RANBP17: variants seen among roughly 807,000 people sequenced by gnomAD.
RANBP17 encodes RAN binding protein 17, also known as ran-binding protein 17.
A neutral mutation model predicts 141.2 loss-of-function variants in RANBP17; 158 were observed. That is an observed-to-expected ratio of 1.12 (90% CI 0.98 to 1.28). The LOEUF is 1.28. RANBP17 is among the 50% of genes most tolerant of loss of function. The pLI, the probability that RANBP17 is intolerant of heterozygous loss-of-function variation, is 0.00. For missense variants in RANBP17, 1,438 were observed against 1,290.7 expected (o/e 1.11, Z -1.75); for synonymous variants, 430 against 450.0 (o/e 0.96, Z 0.56).
chr5:170,963,322 A>G (rs895560240), intron 13 of RANBP17, among the ~76,000 whole-genome samples: 4 of 152,226 alleles, frequency 2.6e-5, no homozygotes, highest in East Asian at 3.8e-4. Flanking sequence ...TATAATCAAG[A>G]TGAATCTCAG....
At chr5:170,950,254 A>G (rs1775099042) in intron 12 of RANBP17, among the ~76,000 whole-genome samples, 1 of 152,160 alleles carries the variant, frequency 6.6e-6, no homozygotes, top group African/African-American at 2.4e-5. Context: ...ATATTAAGCT[A>G]AAAAGCCCCT....
intron 14 of RANBP17, among the ~76,000 whole-genome samples, chr5:171,051,461 A>T (rs920103244): frequency 3.9e-5 from 6 of 152,142 alleles, no homozygotes; most frequent in Non-Finnish European, 8.8e-5. Context: ...CCAATTCTGT[A>T]TATTTTATAT....
At chr5:171,158,268 T>C (rs904818663) in intron 14 of RANBP17, 6 of 177,384 alleles carry the variant, frequency 3.4e-5, no homozygotes, top group African/African-American at 1.4e-4. Flanking sequence ...ATAATGTTTC[T>C]TTTGAAGGAG....
At chr5:171,132,166 G>A (rs1756965096) in intron 14 of RANBP17, among the ~76,000 whole-genome samples, 1 of 151,962 alleles carries the variant, frequency 6.6e-6, no homozygotes, top group Non-Finnish European at 1.5e-5. Context: ...TTTTATAAAG[G>A]GAAAGACACT....
intron 27 of RANBP17, among the ~76,000 whole-genome samples, chr5:171,296,342 G>A (rs1768818303): frequency 6.6e-6 from 1 of 152,182 alleles, no homozygotes; most frequent in South Asian, 2.1e-4. Context: ...TATGGAAAAT[G>A]AAGAAAGACT....
Position 170,862,070 on chromosome 5 carries a change from G to T in RANBP17, c.18+19G>T, listed in dbSNP as rs969271569. ...CTTCCAGGTCAGTGTGCTCTGCGCC[G>T]CGGGCCCGCGCTCCGCCACGCTGGG... On this transcript the variant is annotated intron_variant, in intron 1 of 27. Transcript: ENST00000523189. 207 of 1,446,510 alleles carry T rather than the reference G, an allele frequency of 1.4e-4. No homozygotes were observed. Among genetic ancestry groups the T allele is most frequent in the Non-Finnish European group, 1.7e-4 (191 of 1,105,890 alleles). 89.6% of individuals were successfully genotyped at this position (1,446,510 alleles called of 1,614,324 possible).
chr5:171,040,960 T>C (rs188128637), intron 14 of RANBP17, among the ~76,000 whole-genome samples: 1 of 152,076 alleles, frequency 6.6e-6, no homozygotes, highest in African/African-American at 2.4e-5. Context: ...TTTTATGAGG[T>C]TTCAGTCGAA....
intron 14 of RANBP17, among the ~76,000 whole-genome samples, chr5:171,006,523 A>C (rs962009493): frequency 2.6e-5 from 4 of 152,066 alleles, no homozygotes; most frequent in African/African-American, 9.7e-5. Context: ...CCACGTTCTC[A>C]CTCATAGGTG....
At chr5:171,042,641 T>A (rs1023292564) in intron 14 of RANBP17, among the ~76,000 whole-genome samples, 1 of 152,198 alleles carries the variant, frequency 6.6e-6, no homozygotes, top group African/African-American at 2.4e-5. Context: ...ATTTGAATCA[T>A]CTTTGGATTA....
intron 14 of RANBP17, among the ~76,000 whole-genome samples, chr5:171,005,871 C>G (rs1247504735): frequency 1.3e-5 from 2 of 152,128 alleles, no homozygotes; most frequent in African/African-American, 2.4e-5. Context: ...TATCCAGAAT[C>G]TACAATGAAC....
At chr5:170,940,525 T>A (rs1160110341) in intron 12 of RANBP17, among the ~76,000 whole-genome samples, 1 of 152,172 alleles carries the variant, frequency 6.6e-6, no homozygotes, top group Non-Finnish European at 1.5e-5. Context: ...CCCAAGTATT[T>A]CAGATCAGGG....
At chr5:170,923,917 A>G (rs1191959320) in intron 11 of RANBP17, among the ~76,000 whole-genome samples, 3 of 152,052 alleles carry the variant, frequency 2.0e-5, no homozygotes, top group Non-Finnish European at 2.9e-5. Context: ...TTCTGTTTAC[A>G]TAATCATGCC....
chr5:171,158,153 G>A (rs1260796823), intron 14 of RANBP17, among the ~76,000 whole-genome samples: 3 of 152,134 alleles, frequency 2.0e-5, no homozygotes, highest in African/African-American at 7.2e-5. Flanking sequence ...CTGCTGCCTT[G>A]GGACAAATGT....
At position 170,963,419 on chromosome 5, in the gene RANBP17, G is replaced by GA. The variant is rs1447483265; in HGVS notation, c.1575-4817dup. Among the ~76,000 whole-genome samples, 5 of 152,198 alleles carry GA rather than the reference G, an allele frequency of 3.3e-5. No individual in the cohort carries two copies. The South Asian group carries it at 8.3e-4, about 25-fold the overall frequency. On this transcript the variant is annotated intron_variant, in intron 13 of 27. Coordinates refer to ENST00000523189, the MANE Select transcript of RANBP17 (RefSeq NM_022897.5). ...TTGCTATTATGCAAAATCCATGAAA[G>GA]AAAAAATTGAACAAATTTTCTGCAT...
chr5:171,113,360 A>T (rs1486538713), intron 14 of RANBP17, among the ~76,000 whole-genome samples: 1 of 152,182 alleles, frequency 6.6e-6, no homozygotes, highest in African/African-American at 2.4e-5. Context: ...GTGTGTGAAC[A>T]GCCATTCATC....
rs1754882687 is a variant in RANBP17 at position 171,106,941 on chromosome 5, C to T, written c.1711-63189C>T. Among the ~76,000 whole-genome samples the T allele has an allele frequency of 2.0e-5, 3 of 152,042 alleles. No individual in the cohort carries two copies. In the South Asian group the frequency reaches 6.2e-4, roughly 32 times the overall value. ...TAAAATTAGAATTTTTTCTGAACAG[C>T]CATCAAAAGATACTCATACTTGGGC... On this transcript the variant is annotated intron_variant, in intron 14 of 27. Coordinates refer to ENST00000523189, the MANE Select transcript of RANBP17 (RefSeq NM_022897.5).
intron 22 of RANBP17, among the ~76,000 whole-genome samples, chr5:171,239,710 T>C (rs1223646789): frequency 6.6e-6 from 1 of 152,142 alleles, no homozygotes; most frequent in Admixed American, 6.5e-5. Context: ...GGTATAGAAG[T>C]CAGTAGAAGG....
At chr5:170,863,974 G>A (rs1767033177) in intron 1 of RANBP17, among the ~76,000 whole-genome samples, 1 of 152,152 alleles carries the variant, frequency 6.6e-6, no homozygotes, top group Non-Finnish European at 1.5e-5. Flanking sequence ...ATTCTTTTTA[G>A]CATATAGGAT....
At chr5:171,041,805 G>A (rs1418065350) in intron 14 of RANBP17, among the ~76,000 whole-genome samples, 2 of 152,044 alleles carry the variant, frequency 1.3e-5, no homozygotes, top group African/African-American at 2.4e-5. Context: ...AGAGGTAAAT[G>A]TGTGCGATGG....
Sources: gnomAD v4.1 joint callset for allele counts (sites outside exome capture counted in the v4.1 genomes callset) on GRCh38, gnomAD v4.1.1 for gene constraint, MANE v1.5 for transcripts, NCBI Gene and HGNC (gene_info 2026-07-23, HGNC 2026-07-21) for gene names.